Variants in MAP7 observed in about 807,000 individuals in gnomAD.
MAP7 encodes the protein ensconsin.
Under a neutral mutation model 94.8 loss-of-function variants are expected in MAP7, and 52 were observed. That is an observed-to-expected ratio of 0.55 (90% CI 0.44 to 0.69). The LOEUF (loss-of-function observed/expected upper bound fraction) is 0.69. Among genes scored for constraint, MAP7 ranks in the 30% least tolerant of loss-of-function variants. MAP7 has a pLI of 0.00. For missense variants in MAP7, 940 were observed against 964.6 expected (o/e 0.97, Z 0.34); for synonymous variants, 350 against 357.0 (o/e 0.98, Z 0.22).
chr6:136,366,025 CACAA>C lies in MAP7; in HGVS notation c.990-11_990-8del, dbSNP rs1263431960. 1.2e-6 allele frequency: 2 copies of C among 1,603,316 alleles called. No homozygotes were observed. Among genetic ancestry groups the C allele is most frequent in the Non-Finnish European group, 8.5e-7 (1 of 1,177,218 alleles). ...AAGAGACTTGGACGGAAGCCTGGGC[CACAA>C]ACAAACAAGGCAGACAAAAGGGGAC... On this transcript the variant is annotated splice_polypyrimidine_tract_variant and splice_region_variant and intron_variant, in intron 9 of 17. Coordinates refer to ENST00000354570, the MANE Select transcript of MAP7 (RefSeq NM_003980.6).
intron 1 of MAP7, among the ~76,000 whole-genome samples, chr6:136,537,145 C>CT (rs3839516): frequency 0.011 from 1,546 of 144,238 alleles, 8 homozygotes; most frequent in Middle Eastern, 0.018. Flanking sequence ...CTTTCTCTTT[C>CT]TTTTTTTTTT....
chr6:136,549,780 C>A (rs1287234772), intron 1 of MAP7, among the ~76,000 whole-genome samples: 1 of 152,236 alleles, frequency 6.6e-6, no homozygotes. Flanking sequence ...AGCTCGGTCC[C>A]CTCGGACGAC....
chr6:136,396,621 T>C (rs1307541029), intron 3 of MAP7, among the ~76,000 whole-genome samples: 1 of 152,172 alleles, frequency 6.6e-6, no homozygotes, highest in Non-Finnish European at 1.5e-5. Flanking sequence ...AACTTGAACA[T>C]ATCCAAGGGT....
intron 1 of MAP7, among the ~76,000 whole-genome samples, chr6:136,538,404 A>G (rs1262542953): frequency 1.3e-5 from 2 of 152,178 alleles, no homozygotes; most frequent in Non-Finnish European, 2.9e-5. Context: ...TGCCTTGTTT[A>G]AAGTCACAAC....
At chr6:136,466,553 T>C (rs979782398) in intron 1 of MAP7, among the ~76,000 whole-genome samples, 2 of 152,050 alleles carry the variant, frequency 1.3e-5, no homozygotes, top group African/African-American at 4.8e-5. Context: ...ATAGTTTATA[T>C]AATAAATATC....
At chr6:136,463,913 G>T (rs2128920468) in intron 1 of MAP7, among the ~76,000 whole-genome samples, 1 of 152,294 alleles carries the variant, frequency 6.6e-6, no homozygotes, top group Non-Finnish European at 1.5e-5. Flanking sequence ...TGCTTAACAA[G>T]ATTTGTAGCT....
intron 1 of MAP7, among the ~76,000 whole-genome samples, chr6:136,464,172 C>A (rs1046507857): frequency 6.6e-6 from 1 of 152,138 alleles, no homozygotes; most frequent in Admixed American, 6.5e-5. Flanking sequence ...TTGATTTTTT[C>A]TTTTCTGCTT....
chr6:136,496,447 A>C (rs1325430878), intron 1 of MAP7, among the ~76,000 whole-genome samples: 1 of 151,208 alleles, frequency 6.6e-6, no homozygotes, highest in East Asian at 1.9e-4. Context: ...TGTCAATGTC[A>C]TGTTTCTCTG....
chr6:136,391,624 G>T (rs1170708131), intron 3 of MAP7, among the ~76,000 whole-genome samples: 1 of 148,766 alleles, frequency 6.7e-6, no homozygotes, highest in African/African-American at 2.5e-5. Context: ...TGCTTTATAT[G>T]CATTAAATCA....
intron 1 of MAP7, among the ~76,000 whole-genome samples, chr6:136,532,458 C>G (rs1253932707): frequency 6.6e-6 from 1 of 152,090 alleles, no homozygotes; most frequent in African/African-American, 2.4e-5. Context: ...GAAGAATTTA[C>G]ACTTTTAGTG....
chr6:136,516,988 A>T (rs1825071084), intron 1 of MAP7, among the ~76,000 whole-genome samples: 1 of 151,614 alleles, frequency 6.6e-6, no homozygotes, highest in South Asian at 2.1e-4. Context: ...AAAAAAAAAA[A>T]TCCTTTTGAA....
At chr6:136,497,797 C>CAAA (rs1199112585) in intron 1 of MAP7, among the ~76,000 whole-genome samples, 688 of 45,882 alleles carry the variant, frequency 0.015, no homozygotes, top group African/African-American at 0.027. Context: ...GACTCTGTCA[C>CAAA]AAAAAAAAAA....
chr6:136,419,513 T>C (rs1790569558), intron 2 of MAP7, among the ~76,000 whole-genome samples: 1 of 152,226 alleles, frequency 6.6e-6, no homozygotes, highest in South Asian at 2.1e-4. Context: ...TTCCAAAGCA[T>C]GACCATTCAT....
chr6:136,504,601 C>A (rs939590413), intron 1 of MAP7, among the ~76,000 whole-genome samples: 2 of 152,192 alleles, frequency 1.3e-5, no homozygotes, highest in South Asian at 4.1e-4. Context: ...GCCTTGGCCT[C>A]CCAAAGTGCT....
At chr6:136,461,802 T>C (rs1018978867) in intron 1 of MAP7, among the ~76,000 whole-genome samples, 4 of 152,322 alleles carry the variant, frequency 2.6e-5, no homozygotes, top group African/African-American at 7.2e-5. Context: ...TTTTAGGGTT[T>C]TCTCTCTAAA....
intron 1 of MAP7, among the ~76,000 whole-genome samples, chr6:136,423,780 GTGTTTTTTTTTTT>G (rs1452967581): frequency 1.7e-4 from 2 of 11,478 alleles, no homozygotes; most frequent in Admixed American, 1.6e-3. Flanking sequence ...ACAGGGAGTT[GTGTTTTTTTTTTT>G]TGTTTTTTTG....
intron 1 of MAP7, among the ~76,000 whole-genome samples, chr6:136,471,960 C>T (rs150853829): frequency 1.6e-4 from 25 of 152,084 alleles, no homozygotes; most frequent in South Asian, 1.5e-3. Flanking sequence ...ATGATTGAAG[C>T]GAAAGTTCTT....
chr6:136,476,328 T>A (rs891061765), intron 1 of MAP7, among the ~76,000 whole-genome samples: 1 of 152,174 alleles, frequency 6.6e-6, no homozygotes, highest in Non-Finnish European at 1.5e-5. Context: ...ATGTGCCTAT[T>A]TAAATTTAAA....
At chr6:136,370,321 A>G (rs543583148) in intron 8 of MAP7, among the ~76,000 whole-genome samples, 12 of 152,234 alleles carry the variant, frequency 7.9e-5, no homozygotes, top group Admixed American at 3.3e-4. Flanking sequence ...GTTAGTGGGA[A>G]TGTAAAATGG....
Sources: allele counts gnomAD v4.1 joint callset (sites outside exome capture counted in the v4.1 genomes callset), GRCh38; gene constraint gnomAD v4.1.1; transcripts MANE v1.5; gene names NCBI Gene and HGNC (gene_info 2026-07-23, HGNC 2026-07-21).